MECOM: variants seen among roughly 807,000 people sequenced by gnomAD.
MECOM encodes histone-lysine N-methyltransferase MECOM.
MECOM carries 13 observed loss-of-function variants against 116.3 expected under a neutral mutation model. The observed-to-expected ratio is 0.11, with a 90% CI of 0.07 to 0.18. MECOM has a LOEUF of 0.18. Among genes scored for constraint, MECOM ranks in the 10% least tolerant of loss-of-function variants. The pLI is 1.00. For missense variants in MECOM, 1,299 were observed against 1,509.0 expected (o/e 0.86, Z 2.31); for synonymous variants, 528 against 535.2 (o/e 0.99, Z 0.19).
intron 2 of MECOM, among the ~76,000 whole-genome samples, chr3:169,244,960 C>T (rs1221180006): frequency 3.3e-5 from 5 of 151,882 alleles, no homozygotes; most frequent in Admixed American, 6.5e-5. Context: ...CCATCACACA[C>T]AAAAAAACAA....
At chr3:169,533,954 T>A (rs2901526) in intron 1 of MECOM, among the ~76,000 whole-genome samples, 43,479 of 152,064 alleles carry the variant, frequency 0.29, 6,500 homozygotes, top group Non-Finnish European at 0.33. Flanking sequence ...AAGATGGGGA[T>A]GAAATAAGTA....
intron 1 of MECOM, among the ~76,000 whole-genome samples, chr3:169,440,755 T>C (rs1464268024): frequency 6.6e-6 from 1 of 152,146 alleles, no homozygotes; most frequent in Non-Finnish European, 1.5e-5. Context: ...TTCCCCTTCA[T>C]ATTGGTGATG....
intron 1 of MECOM, among the ~76,000 whole-genome samples, chr3:169,634,855 T>C (rs1211289266): frequency 1.3e-5 from 2 of 152,122 alleles, no homozygotes; most frequent in Non-Finnish European, 2.9e-5. Context: ...AACCTGAAAC[T>C]TGAAAGGCCT....
chr3:169,163,340 A>T (rs982758764), intron 2 of MECOM, among the ~76,000 whole-genome samples: 5 of 152,160 alleles, frequency 3.3e-5, no homozygotes, highest in African/African-American at 1.2e-4. Context: ...CATCTTTGAA[A>T]ACTCCACTGG....
Position 169,272,147 on chromosome 3 carries a change from A to G in MECOM, c.375+109040T>C, listed in dbSNP as rs183610317. Among the ~76,000 whole-genome samples, 23 of 152,322 alleles carry G rather than the reference A, an allele frequency of 1.5e-4. No individual in the cohort carries two copies. The East Asian group carries it at 1.9e-3, about 13-fold the overall frequency. ...CGCTTATTTTACCCAGCTTGCACTT[A>G]GTCTTGGAAGATTAACCCTTTGGCA... On this transcript the variant is annotated intron_variant, in intron 2 of 16. Transcript: ENST00000651503.
intron 2 of MECOM, among the ~76,000 whole-genome samples, chr3:169,209,963 T>G (rs1332140607): frequency 2.6e-5 from 4 of 152,148 alleles, no homozygotes; most frequent in African/African-American, 4.8e-5. Flanking sequence ...CAAATGCTCA[T>G]CAATGATAGA....
chr3:169,119,322 C>T (rs901166819), intron 7 of MECOM, among the ~76,000 whole-genome samples: 6 of 152,148 alleles, frequency 3.9e-5, no homozygotes, highest in Non-Finnish European at 7.4e-5. Context: ...AATTACATGG[C>T]TATTATTCAT....
At chr3:169,645,882 T>A (rs564637551) in intron 1 of MECOM, among the ~76,000 whole-genome samples, 9 of 152,334 alleles carry the variant, frequency 5.9e-5, no homozygotes, top group Non-Finnish European at 1.3e-4. Flanking sequence ...CTCCACTACC[T>A]GAGTCCCATC....
At chr3:169,518,114 A>C (rs1756886203) in intron 1 of MECOM, among the ~76,000 whole-genome samples, 1 of 151,920 alleles carries the variant, frequency 6.6e-6, no homozygotes, top group Admixed American at 6.6e-5. Context: ...AAAAAATTGG[A>C]CGGGCGTGAT....
intron 12 of MECOM, among the ~76,000 whole-genome samples, chr3:169,097,216 T>G (rs1459585028): frequency 6.6e-6 from 1 of 152,118 alleles, no homozygotes; most frequent in African/African-American, 2.4e-5. Flanking sequence ...GCTTCTAACT[T>G]TCTGCTTGCA....
chr3:169,614,263 A>G (rs990725502), intron 1 of MECOM, among the ~76,000 whole-genome samples: 8 of 151,790 alleles, frequency 5.3e-5, no homozygotes, highest in African/African-American at 1.5e-4. Context: ...AAAATACTAG[A>G]TCACTGAGGA....
intron 1 of MECOM, among the ~76,000 whole-genome samples, chr3:169,624,105 G>T (rs990336347): frequency 1.3e-5 from 2 of 152,194 alleles, no homozygotes; most frequent in Non-Finnish European, 2.9e-5. Flanking sequence ...GGTCAGTTCA[G>T]TCTGGGCCTG....
intron 1 of MECOM, among the ~76,000 whole-genome samples, chr3:169,538,045 AT>A (rs1759601473): frequency 1.3e-5 from 2 of 152,090 alleles, no homozygotes. Flanking sequence ...TTCTGACATA[AT>A]TTGTCTGAGA....
chr3:169,093,713 A>C (rs1306969171), intron 13 of MECOM, among the ~76,000 whole-genome samples: 1 of 152,158 alleles, frequency 6.6e-6, no homozygotes, highest in Non-Finnish European at 1.5e-5. Flanking sequence ...GCACTGCAAG[A>C]CTCACAATAC....
intron 8 of MECOM, among the ~76,000 whole-genome samples, chr3:169,114,089 T>C (rs1363230498): frequency 6.6e-6 from 1 of 152,160 alleles, no homozygotes. Context: ...AAGGAAAGCC[T>C]GAAAAATTAT....
At chr3:169,545,019 C>T (rs1005340735) in intron 1 of MECOM, among the ~76,000 whole-genome samples, 2 of 151,876 alleles carry the variant, frequency 1.3e-5, no homozygotes, top group African/African-American at 4.8e-5. Context: ...CACATGTATC[C>T]TGGAACTTAA....
At chr3:169,583,013 A>G (rs904160044) in intron 1 of MECOM, among the ~76,000 whole-genome samples, 2 of 152,240 alleles carry the variant, frequency 1.3e-5, no homozygotes, top group African/African-American at 4.8e-5. Flanking sequence ...GAATAAAGGA[A>G]AGGTTACATG....
chr3:169,384,934 C>T (rs1194031185), intron 1 of MECOM, among the ~76,000 whole-genome samples: 2 of 151,924 alleles, frequency 1.3e-5, no homozygotes, highest in Non-Finnish European at 2.9e-5. Flanking sequence ...GAAACCCCAT[C>T]TCTACTAAAA....
At chr3:169,505,575 A>T (rs1302550619) in intron 1 of MECOM, among the ~76,000 whole-genome samples, 1 of 152,118 alleles carries the variant, frequency 6.6e-6, no homozygotes, top group Admixed American at 6.5e-5. Context: ...ATACGTGCAC[A>T]CACATGGTGA....
Sources: gnomAD v4.1 joint callset for allele counts (sites outside exome capture counted in the v4.1 genomes callset) on GRCh38, gnomAD v4.1.1 for gene constraint, MANE v1.5 for transcripts, NCBI Gene and HGNC (gene_info 2026-07-23, HGNC 2026-07-21) for gene names.